Variants in WDTC1 observed in about 807,000 individuals in gnomAD.
WDTC1 encodes the protein WD and tetratricopeptide repeats protein 1.
A neutral mutation model predicts 76.0 loss-of-function variants in WDTC1; 12 were observed. That is an observed-to-expected ratio of 0.16 (90% CI 0.10 to 0.26). The LOEUF (loss-of-function observed/expected upper bound fraction) is 0.26, where lower values mean the gene tolerates loss of function less well. Ranked by LOEUF, WDTC1 falls within the 10% of genes least tolerant of loss-of-function variation. WDTC1 has a pLI of 1.00. For missense variants in WDTC1, 511 were observed against 908.8 expected (o/e 0.56, Z 5.63); for synonymous variants, 326 against 350.8 (o/e 0.93, Z 0.79).
chr1:27,263,617 G>T (rs1253673341), intron 3 of WDTC1, among the ~76,000 whole-genome samples: 2 of 151,976 alleles, frequency 1.3e-5, no homozygotes, highest in Non-Finnish European at 2.9e-5. Flanking sequence ...TGTATTTTTA[G>T]TAGAGACGGG....
At chr1:27,254,577 A>G (rs890423881) in intron 1 of WDTC1, among the ~76,000 whole-genome samples, 1 of 152,016 alleles carries the variant, frequency 6.6e-6, no homozygotes, top group African/African-American at 2.4e-5. Flanking sequence ...CCTGGGTGAC[A>G]GAGTGAGACT....
intron 6 of WDTC1, among the ~76,000 whole-genome samples, chr1:27,291,250 G>C (rs2013526997): frequency 6.6e-6 from 1 of 152,194 alleles, no homozygotes; most frequent in African/African-American, 2.4e-5. Context: ...AGTTATAATT[G>C]ACCCACATTT....
At chr1:27,248,937 G>T (rs1348006051) in intron 1 of WDTC1, among the ~76,000 whole-genome samples, 1 of 152,058 alleles carries the variant, frequency 6.6e-6, no homozygotes, top group Non-Finnish European at 1.5e-5. Flanking sequence ...GATTATAGAC[G>T]TGAGCCACTG....
chr1:27,296,740 C>T (rs890698048), intron 10 of WDTC1, among the ~76,000 whole-genome samples: 4 of 152,078 alleles, frequency 2.6e-5, no homozygotes, highest in African/African-American at 9.6e-5. Flanking sequence ...TAGGCACCTC[C>T]TCACTCCATT....
intron 3 of WDTC1, among the ~76,000 whole-genome samples, chr1:27,276,105 T>A: frequency 6.6e-6 from 1 of 152,230 alleles, no homozygotes; most frequent in Non-Finnish European, 1.5e-5. Flanking sequence ...ATGTACCACA[T>A]TCTGTCTATC....
At chr1:27,294,252 A>T (rs768457995) in intron 8 of WDTC1, 136 bp downstream of exon 8, 3 of 937,386 alleles carry the variant, frequency 3.2e-6, no homozygotes, top group Non-Finnish European at 3.1e-6. Flanking sequence ...TTTAATCCCA[A>T]CTCTGCCATT....
chr1:27,287,657 C>T lies in WDTC1; in HGVS notation c.292-17C>T. On this transcript the variant is annotated splice_polypyrimidine_tract_variant and intron_variant, in intron 5 of 15. Transcript: ENST00000319394. The stretch of plus-strand genomic sequence containing the variant: ...CTACTCTTACCACCCACCCCTTCCT[C>T]CATTTCTCCTATATAGTTCCTGCCT... 2 of 1,608,646 alleles carry T rather than the reference C, an allele frequency of 1.2e-6. No homozygotes were observed. Among genetic ancestry groups the T allele is most frequent in the East Asian group, 2.2e-5 (1 of 44,746 alleles).
At chr1:27,284,054 C>A (rs1472874496) in intron 5 of WDTC1, among the ~76,000 whole-genome samples, 7 of 152,140 alleles carry the variant, frequency 4.6e-5, no homozygotes, top group Admixed American at 4.6e-4. Flanking sequence ...CAAGTGTCTT[C>A]AGACCTTTGA....
intron 1 of WDTC1, among the ~76,000 whole-genome samples, chr1:27,239,540 A>AG (rs2011568952): frequency 6.7e-6 from 1 of 149,050 alleles, no homozygotes; most frequent in Non-Finnish European, 1.5e-5. Context: ...AAAAAAAAAA[A>AG]GCCAGTTGTG....
At chr1:27,268,617 C>T (rs543872302) in intron 3 of WDTC1, among the ~76,000 whole-genome samples, 1 of 151,982 alleles carries the variant, frequency 6.6e-6, no homozygotes, top group Admixed American at 6.6e-5. Context: ...TGGGGTTTCA[C>T]CATGTTGGTC....
chr1:27,272,139 G>A lies in WDTC1; in HGVS notation c.132+8904G>A, dbSNP rs544499606. 5.9e-5 allele frequency among the ~76,000 whole-genome samples: 9 copies of A among 151,894 alleles called. 1 individual carries two copies. Among genetic ancestry groups the A allele is most frequent in the African/African-American group, 1.9e-4 (8 of 41,520 alleles). On this transcript the variant is annotated intron_variant, in intron 3 of 15. Transcript: ENST00000319394. The stretch of plus-strand genomic sequence containing the variant: ...TGCACGCCTGTAATCCCAGCTGCTC[G>A]GGAGGCTGAGGCAGGAGAATCGCTT...
rs71584875 is a variant in WDTC1 at position 27,251,033 on chromosome 1, A to ATTTTTT, written c.-99-9891_-99-9886dup. ...TGGCGTGCACCACTACTCCTGGCTA[A>ATTTTTT]TTTTTTTTTTTTTTTTTTTTTTTTT... On this transcript the variant is annotated intron_variant, in intron 1 of 15. Transcript: ENST00000319394. Among the ~76,000 whole-genome samples, 63 of 28,686 alleles carry ATTTTTT rather than the reference A, an allele frequency of 2.2e-3. 19 individuals carry two copies. Among genetic ancestry groups the ATTTTTT allele is most frequent in the South Asian group, 9.0e-3 (3 of 334 alleles). 18.8% of individuals were successfully genotyped at this position (28,686 alleles called of 152,430 possible).
intron 1 of WDTC1, among the ~76,000 whole-genome samples, chr1:27,235,382 C>T (rs966973294): frequency 7.0e-6 from 1 of 143,500 alleles, no homozygotes; most frequent in Admixed American, 7.3e-5. Context: ...TTCTGTTTTT[C>T]TCTCTCTCTT....
At chr1:27,252,130 G>A (rs1295780951) in intron 1 of WDTC1, among the ~76,000 whole-genome samples, 2 of 152,040 alleles carry the variant, frequency 1.3e-5, no homozygotes, top group Non-Finnish European at 2.9e-5. Context: ...AGGATTGCTT[G>A]AGCCCAGGAG....
chr1:27,253,514 C>CT (rs544974118), intron 1 of WDTC1, among the ~76,000 whole-genome samples: 5,393 of 129,908 alleles, frequency 0.042, 151 homozygotes, highest in African/African-American at 0.063. Context: ...TTCTTTCTTT[C>CT]TTTTTTTTTT....
intron 1 of WDTC1, among the ~76,000 whole-genome samples, chr1:27,237,596 TC>T (rs2011516581): frequency 6.6e-6 from 1 of 152,086 alleles, no homozygotes; most frequent in Non-Finnish European, 1.5e-5. Context: ...ACGCCTGTAA[TC>T]CCAGCACTTT....
chr1:27,296,197 G>T (rs1309565437), intron 9 of WDTC1, 129 bp from the exon 10 acceptor site: 3 of 1,108,184 alleles, frequency 2.7e-6, no homozygotes, highest in Non-Finnish European at 4.1e-6. Context: ...AGGATAGCTT[G>T]ATTGTTCTAT....
intron 1 of WDTC1, among the ~76,000 whole-genome samples, chr1:27,239,436 C>T (rs1247860150): frequency 6.8e-6 from 1 of 147,910 alleles, no homozygotes; most frequent in Non-Finnish European, 1.5e-5. Context: ...GCGGGGGCAT[C>T]ACTTGAGTGC....
intron 6 of WDTC1, among the ~76,000 whole-genome samples, chr1:27,289,825 AAAT>A (rs1489530189): frequency 1.3e-5 from 2 of 152,146 alleles, no homozygotes; most frequent in African/African-American, 4.8e-5. Context: ...TCCACCAAAA[AAAT>A]ACGAAAACCA....
Sources: gnomAD v4.1 joint callset for allele counts (sites outside exome capture counted in the v4.1 genomes callset) on GRCh38, gnomAD v4.1.1 for gene constraint, MANE v1.5 for transcripts, NCBI Gene and HGNC (gene_info 2026-07-23, HGNC 2026-07-21) for gene names.